The following TBC1D2B variants were observed in gnomAD, a reference collection of about 807,000 sequenced individuals.
The protein encoded by TBC1D2B is TBC1 domain family, member 2B.
In TBC1D2B, 64 loss-of-function variants were observed where a neutral mutation model predicts 100.8. The observed-to-expected ratio is 0.64, with a 90% CI of 0.52 to 0.78. The LOEUF is 0.78. Among genes scored for constraint, TBC1D2B ranks in the 30% least tolerant of loss-of-function variants. The pLI, the probability that TBC1D2B is intolerant of heterozygous loss-of-function variation, is 0.00. For missense variants in TBC1D2B, 1,052 were observed against 1,218.4 expected, an observed-to-expected ratio of 0.86 and a Z score of 2.03; for synonymous variants, 480 against 479.7, an observed-to-expected ratio of 1.00 and a Z score of -0.01.
chr15:78,072,262 C>G (rs1217824715), intron 1 of TBC1D2B, among the ~76,000 whole-genome samples: 1 of 152,192 alleles, frequency 6.6e-6, no homozygotes, highest in Non-Finnish European at 1.5e-5. Context: ...GACTCCCCTG[C>G]AATGAGGACT....
At chr15:78,044,852 C>A in intron 3 of TBC1D2B, 48 bp downstream of exon 3, 1 of 1,478,266 alleles carries the variant, frequency 6.8e-7, no homozygotes. Context: ...CATACATTAT[C>A]AGAAACAACC....
At chr15:78,046,635 T>C (rs1255006957) in intron 2 of TBC1D2B, among the ~76,000 whole-genome samples, 1 of 152,088 alleles carries the variant, frequency 6.6e-6, no homozygotes, top group African/African-American at 2.4e-5. Context: ...AGCTAATTTT[T>C]GTATTTTTTT....
chr15:78,048,665 A>C (rs1348257), intron 2 of TBC1D2B, among the ~76,000 whole-genome samples: 40,779 of 152,110 alleles, frequency 0.27, 5,908 homozygotes, highest in East Asian at 0.36. Context: ...TCCAGTGTGA[A>C]CCCGGGCAGT....
At chr15:78,036,279 C>T (rs989236944) in intron 3 of TBC1D2B, among the ~76,000 whole-genome samples, 3 of 152,176 alleles carry the variant, frequency 2.0e-5, no homozygotes, top group African/African-American at 7.2e-5. Flanking sequence ...CAATGAAGTA[C>T]AAACACACAA....
At chr15:77,999,317 G>C in intron 12 of TBC1D2B, 1 of 455,140 alleles carries the variant, frequency 2.2e-6, no homozygotes, top group Non-Finnish European at 4.4e-6. Flanking sequence ...GCTGCCGTCG[G>C]CTGCGTGGGC....
chr15:78,016,691 T>C lies in TBC1D2B; in HGVS notation c.1630A>G (p.Ile544Val), dbSNP rs1274507654. 5 of 1,600,474 alleles carry C rather than the reference T, an allele frequency of 3.1e-6. No individual in the cohort carries two copies. Among genetic ancestry groups the C allele is most frequent in the Non-Finnish European group, 4.3e-6 (5 of 1,174,626 alleles). Reference sequence around the variant, plus strand: ...GGTGTCTTCATTTCTTGGAGCAATATCAGGTATTTACTTTCTATCTGGCAG... The same window carrying C: ...GGTGTCTTCATTTCTTGGAGCAATACCAGGTATTTACTTTCTATCTGGCAG... ...KLCQIESKYLILLQEMKTPVC... is the reference protein window; with the variant it reads ...KLCQIESKYLVLLQEMKTPVC... Residue 544 changes from isoleucine to valine, a missense_variant, in exon 8 of 13, where the codon ATA becomes GTA. Transcript: ENST00000300584.
chr15:78,029,934 T>C (rs2072766288), intron 4 of TBC1D2B, 73 bp downstream of exon 4: 1 of 1,268,194 alleles, frequency 7.9e-7, no homozygotes, highest in Non-Finnish European at 1.1e-6. Flanking sequence ...CTGCTAATAA[T>C]GTGTCTCCAC....
Position 78,013,179 on chromosome 15 carries a change from T to C in TBC1D2B, c.1914A>G (p.Glu638=). The change falls in exon 9 of 13, where the codon GAA becomes GAG. Residue 638 remains glutamate, a synonymous_variant. Coordinates refer to ENST00000300584, the MANE Select transcript of TBC1D2B (RefSeq NM_144572.2). ...NQEVSTGVKW[E]NYFASTVNRE... is the part of the protein sequence containing the mutation. ...TGTTCACTGTACTTGCAAAATAGTTTTCCCACTTGACCCCAGTGGAGACTT... is the reference window on the plus strand; with the variant it reads ...TGTTCACTGTACTTGCAAAATAGTTCTCCCACTTGACCCCAGTGGAGACTT... 1 of 1,613,984 alleles carries C rather than the reference T, an allele frequency of 6.2e-7. No individual in the cohort carries two copies. The highest frequency in any genetic ancestry group is 8.5e-7 in the Non-Finnish European group (1 of 1,179,880).
At chr15:78,012,191 A>C (rs2072248839) in intron 9 of TBC1D2B, among the ~76,000 whole-genome samples, 1 of 152,246 alleles carries the variant, frequency 6.6e-6, no homozygotes, top group South Asian at 2.1e-4. Context: ...AAGCAGTCAC[A>C]GCAAAGTCCA....
At chr15:78,031,574 A>AAAAAAAAAAAAG (rs1452770906) in intron 3 of TBC1D2B, among the ~76,000 whole-genome samples, 3 of 147,506 alleles carry the variant, frequency 2.0e-5, no homozygotes, top group African/African-American at 7.8e-5. Context: ...AAAAAAAAAA[A>AAAAAAAAAAAAG]AGAGAGAGAG....
chr15:78,031,538 A>G (rs1349557350), intron 3 of TBC1D2B, among the ~76,000 whole-genome samples: 1 of 109,372 alleles, frequency 9.1e-6, no homozygotes, highest in Non-Finnish European at 1.8e-5. Flanking sequence ...TGGGCGATAG[A>G]GCAAGACTCT....
rs1414790506 is a variant in TBC1D2B at position 77,996,759 on chromosome 15, C to T, written c.*1401G>A. 1.3e-5 allele frequency: 2 copies of T among 152,218 alleles called. No individual in the cohort carries two copies. Among genetic ancestry groups the T allele is most frequent in the Non-Finnish European group, 2.9e-5 (2 of 68,032 alleles). 9.4% of individuals were successfully genotyped at this position (152,218 alleles called of 1,614,324 possible). A position where few individuals can be genotyped will look rare whatever the true frequency, so the allele number is the denominator to read the frequency against. On this transcript the variant is annotated 3_prime_UTR_variant, in exon 13 of 13. Transcript: ENST00000300584. ...ACTGCATTGCTTCAATTCTTAGTCT[C>T]AGTGTGTTCACAACAAAGGATGATT...
intron 3 of TBC1D2B, among the ~76,000 whole-genome samples, chr15:78,038,076 C>T (rs1287212949): frequency 1.3e-5 from 2 of 152,148 alleles, no homozygotes; most frequent in African/African-American, 2.4e-5. Flanking sequence ...TGAGAAGCCC[C>T]CAAGCAGCGG....
chr15:78,040,885 A>AAAGAAAGAAAGAAAGAAAGAAAGAAG lies in TBC1D2B; in HGVS notation c.683+4014_683+4015insCTTCTTTCTTTCTTTCTTTCTTTCTT, dbSNP rs1331476238. On this transcript the variant is annotated intron_variant, in intron 3 of 12. Coordinates refer to ENST00000300584, the MANE Select transcript of TBC1D2B (RefSeq NM_144572.2). The stretch of plus-strand genomic sequence containing the variant: ...AAGAAAGAAAGAAAGAAAGAAAGAG[A>AAAGAAAGAAAGAAAGAAAGAAAGAAG]GAGAGAGAGAAAGAAAGAAAGAAAG... 1.1e-4 allele frequency among the ~76,000 whole-genome samples: 16 copies of AAAGAAAGAAAGAAAGAAAGAAAGAAG among 144,890 alleles called. 1 individual carries two copies. The highest frequency in any genetic ancestry group is 4.2e-4 in the Admixed American group (6 of 14,440).
chr15:78,069,113 A>T (rs1344098315), intron 1 of TBC1D2B, among the ~76,000 whole-genome samples: 1 of 152,198 alleles, frequency 6.6e-6, no homozygotes, highest in Non-Finnish European at 1.5e-5. Context: ...CAACTGATCG[A>T]GGAGACTGGT....
intron 6 of TBC1D2B, among the ~76,000 whole-genome samples, chr15:78,023,298 C>G (rs1409090108): frequency 3.9e-5 from 6 of 152,162 alleles, no homozygotes; most frequent in Admixed American, 2.6e-4. Flanking sequence ...CTGGGGTCTG[C>G]TGGGGTCAAA....
chr15:78,040,855 GAAGAAAGA>G (rs60990991), intron 3 of TBC1D2B, among the ~76,000 whole-genome samples: 5 of 74,740 alleles, frequency 6.7e-5, no homozygotes, highest in African/African-American at 2.3e-4. Context: ...AGAAAGAAAG[GAAGAAAGA>G]AAGAAAGAAA....
At chr15:78,040,712 A>G (rs1427786795) in intron 3 of TBC1D2B, among the ~76,000 whole-genome samples, 1 of 138,640 alleles carries the variant, frequency 7.2e-6, no homozygotes, top group Non-Finnish European at 1.6e-5. Flanking sequence ...GGAGGGAGGA[A>G]GGAAGGAGAG....
intron 1 of TBC1D2B, among the ~76,000 whole-genome samples, chr15:78,066,652 A>C (rs979876879): frequency 6.6e-6 from 1 of 152,260 alleles, no homozygotes; most frequent in African/African-American, 2.4e-5. Flanking sequence ...AAACAAAAAA[A>C]GTCTTATCAG....
Sources: gnomAD v4.1 joint callset for allele counts (sites outside exome capture counted in the v4.1 genomes callset) on GRCh38, gnomAD v4.1.1 for gene constraint, MANE v1.5 for transcripts, NCBI Gene and HGNC (gene_info 2026-07-23, HGNC 2026-07-21) for gene names.